ADAMTSL1: variants seen among roughly 807,000 people sequenced by gnomAD.
ADAMTSL1 encodes ADAMTS-like protein 1.
A neutral mutation model predicts 201.8 loss-of-function variants in ADAMTSL1; 126 were observed. The ratio of observed to expected loss-of-function variants is 0.62; its 90% CI spans 0.54 to 0.72. The LOEUF is 0.72. Ranked by LOEUF, ADAMTSL1 falls within the 30% of genes least tolerant of loss-of-function variation. The probability of loss-of-function intolerance (pLI) is 0.00; values close to 1 mark genes in which losing one functional copy is unlikely to be tolerated. For missense variants in ADAMTSL1, 2,679 were observed against 2,277.8 expected (o/e 1.18, Z -3.59); for synonymous variants, 1,121 against 903.4 (o/e 1.24, Z -4.32).
rs763042474 is a variant in ADAMTSL1 at position 18,656,772 on chromosome 9, C to G, written c.835-867C>G. 2.3e-4 allele frequency among the ~76,000 whole-genome samples: 35 copies of G among 152,060 alleles called. No individual in the cohort carries two copies. In the Middle Eastern group the frequency reaches 0.014, roughly 59 times the overall value. On this transcript the variant is annotated intron_variant, in intron 7 of 28. Coordinates refer to ENST00000380548, the MANE Select transcript of ADAMTSL1 (RefSeq NM_001040272.6). ...TCCTCTCAATTGTCCTTGGAACCTC[C>G]TTATAAAAAGTAGTCCAAACCTTGC...
chr9:18,076,699 G>A (rs967070873), intron 1 of ADAMTSL1, among the ~76,000 whole-genome samples: 10 of 152,210 alleles, frequency 6.6e-5, no homozygotes, highest in Non-Finnish European at 1.2e-4. Context: ...CATGTGAGCA[G>A]GGAACCACTG....
intron 3 of ADAMTSL1, among the ~76,000 whole-genome samples, chr9:18,543,907 C>G (rs1820318132): frequency 6.6e-6 from 1 of 152,062 alleles, no homozygotes. Flanking sequence ...TCTGACATGT[C>G]TTTATTTTAC....
At chr9:18,821,783 G>A (rs988421171) in intron 21 of ADAMTSL1, among the ~76,000 whole-genome samples, 1 of 152,112 alleles carries the variant, frequency 6.6e-6, no homozygotes, top group Admixed American at 6.5e-5. Flanking sequence ...ATGTAAAGGT[G>A]CACCTTTGAG....
intron 20 of ADAMTSL1, among the ~76,000 whole-genome samples, chr9:18,799,412 A>C (rs10963768): frequency 0.13 from 19,323 of 152,228 alleles, 1,522 homozygotes; most frequent in Admixed American, 0.21. Context: ...GGCCTAGGCA[A>C]ACTTTTGAAG....
chr9:18,770,002 G>A (rs1563783703), intron 16 of ADAMTSL1, among the ~76,000 whole-genome samples: 1 of 152,090 alleles, frequency 6.6e-6, no homozygotes. Context: ...ACTGACATGA[G>A]GCCATTTTTC....
intron 14 of ADAMTSL1, chr9:18,718,089 A>G: frequency 7.5e-7 from 1 of 1,334,650 alleles, no homozygotes; most frequent in Admixed American, 1.7e-5. Context: ...AATTTTGTAG[A>G]AGAATCTAAG....
At chr9:18,096,095 TACA>T (rs1824241235) in intron 1 of ADAMTSL1, among the ~76,000 whole-genome samples, 2 of 152,182 alleles carry the variant, frequency 1.3e-5, no homozygotes, top group African/African-American at 4.8e-5. Flanking sequence ...TCCTTTATTA[TACA>T]ACAACAGTCT....
intron 2 of ADAMTSL1, among the ~76,000 whole-genome samples, chr9:18,291,462 G>A (rs1000389901): frequency 1.3e-5 from 2 of 152,062 alleles, no homozygotes; most frequent in Non-Finnish European, 2.9e-5. Context: ...AGATATAGCA[G>A]CAAATGTGGC....
intron 1 of ADAMTSL1, among the ~76,000 whole-genome samples, chr9:17,986,232 A>T (rs73643484): frequency 6.6e-6 from 1 of 151,998 alleles, no homozygotes; most frequent in Non-Finnish European, 1.5e-5. Flanking sequence ...GTTTCTACTT[A>T]AGGTAAATTG....
chr9:18,379,943 G>A (rs953916026), intron 2 of ADAMTSL1, among the ~76,000 whole-genome samples: 3 of 152,068 alleles, frequency 2.0e-5, no homozygotes, highest in African/African-American at 4.8e-5. Context: ...CCCATTCCAC[G>A]GGCATAAAGA....
chr9:18,132,643 G>T (rs1825999338), intron 1 of ADAMTSL1, among the ~76,000 whole-genome samples: 1 of 152,178 alleles, frequency 6.6e-6, no homozygotes, highest in South Asian at 2.1e-4. Flanking sequence ...TTTGCCTCAG[G>T]CTTCTCCAAC....
At chr9:18,190,850 C>A (rs1476580307) in intron 2 of ADAMTSL1, among the ~76,000 whole-genome samples, 1 of 152,142 alleles carries the variant, frequency 6.6e-6, no homozygotes, top group Non-Finnish European at 1.5e-5. Context: ...TGACCACCCA[C>A]CAATAAGTGG....
At chr9:17,979,272 T>G (rs536181253) in intron 1 of ADAMTSL1, among the ~76,000 whole-genome samples, 4 of 152,162 alleles carry the variant, frequency 2.6e-5, no homozygotes, top group African/African-American at 9.6e-5. Flanking sequence ...TCCTTTCTCT[T>G]TCTTTTCTTC....
rs1491459278 is a variant in ADAMTSL1 at position 18,399,328 on chromosome 9, T to TATAC, written c.208-105500_208-105499insTACA. ...ATATATATATATATATATATATATA[T>TATAC]AAAATTATTATTTTCTTTTTTTCTT... On this transcript the variant is annotated intron_variant, in intron 2 of 29. Transcript: ENST00000680146. Among the ~76,000 whole-genome samples the TATAC allele has an allele frequency of 1.9e-4, 21 of 107,722 alleles. 1 individual carries two copies. Among genetic ancestry groups the TATAC allele is most frequent in the Non-Finnish European group, 3.9e-4 (20 of 51,224 alleles). The allele number at this position is 107,722 out of a possible 152,430, so 70.7% of individuals were successfully genotyped here.
intron 3 of ADAMTSL1, among the ~76,000 whole-genome samples, chr9:18,565,398 C>T (rs1450343826): frequency 2.0e-5 from 3 of 152,108 alleles, no homozygotes; most frequent in Non-Finnish European, 4.4e-5. Flanking sequence ...TTTTCACAAA[C>T]ACTCATTTCC....
intron 1 of ADAMTSL1, among the ~76,000 whole-genome samples, chr9:18,074,561 C>CTTTTTT (rs138619215): frequency 7.6e-6 from 1 of 131,350 alleles, no homozygotes; most frequent in Admixed American, 7.8e-5. Context: ...CTTCTCTTTT[C>CTTTTTT]TTTTTTTTTT....
intron 2 of ADAMTSL1, among the ~76,000 whole-genome samples, chr9:18,348,162 G>T (rs1391500307): frequency 6.6e-6 from 1 of 152,076 alleles, no homozygotes; most frequent in Non-Finnish European, 1.5e-5. Context: ...AGCCATTGTT[G>T]CTAATAGGAA....
chr9:17,909,330 A>G (rs1175806628), intron 1 of ADAMTSL1, among the ~76,000 whole-genome samples: 4 of 145,486 alleles, frequency 2.7e-5, no homozygotes, highest in Non-Finnish European at 4.6e-5. Flanking sequence ...GTTTAATGAG[A>G]TCCCATTTGT....
Position 18,372,522 on chromosome 9 carries a change from C to T in ADAMTSL1, c.208-132307C>T, listed in dbSNP as rs187407049. Among the ~76,000 whole-genome samples, 380 of 152,286 alleles carry T rather than the reference C, an allele frequency of 2.5e-3. 1 individual carries two copies. Among genetic ancestry groups the T allele is most frequent in the Non-Finnish European group, 3.8e-3 (258 of 68,008 alleles). On this transcript the variant is annotated intron_variant, in intron 2 of 29. Coordinates refer to the ADAMTSL1 transcript ENST00000680146. ...GAGGGGACAGAGGCTTCCCCAAGGT[C>T]TTAATAATGGGCTTGAACTGAGGTC...
Sources: gnomAD v4.1 joint callset for allele counts (sites outside exome capture counted in the v4.1 genomes callset) on GRCh38, gnomAD v4.1.1 for gene constraint, MANE v1.5 for transcripts, NCBI Gene and HGNC (gene_info 2026-07-23, HGNC 2026-07-21) for gene names.